Variants in KANK1 observed in about 807,000 individuals in gnomAD.
KANK1 encodes KN motif and ankyrin repeat domains 1, also known as KN motif and ankyrin repeat domain-containing protein 1.
KANK1 carries 109 observed loss-of-function variants against 106.2 expected under a neutral mutation model. The ratio of observed to expected loss-of-function variants is 1.03; its 90% CI spans 0.88 to 1.20. KANK1 has a LOEUF of 1.20. KANK1 is among the 50% of genes most tolerant of loss of function. The pLI, the probability that KANK1 is intolerant of heterozygous loss-of-function variation, is 0.00. For missense variants in KANK1, 2,399 were observed against 1,710.7 expected (o/e 1.40, Z -7.10); for synonymous variants, 873 against 652.2 (o/e 1.34, Z -5.16).
At chr9:666,172 C>T (rs1844520122) in intron 1 of KANK1, among the ~76,000 whole-genome samples, 1 of 151,626 alleles carries the variant, frequency 6.6e-6, no homozygotes, top group African/African-American at 2.4e-5. Context: ...CAGAGCAAAA[C>T]CCTGTCTCAA....
chr9:695,613 G>A (rs570518312), intron 2 of KANK1, among the ~76,000 whole-genome samples: 4 of 148,928 alleles, frequency 2.7e-5, no homozygotes, highest in South Asian at 2.2e-4. Flanking sequence ...CTTCGTGGGG[G>A]GGGGGGCAAG....
chr9:717,913 T>C (rs976281418), intron 3 of KANK1, among the ~76,000 whole-genome samples: 2 of 152,194 alleles, frequency 1.3e-5, no homozygotes, highest in African/African-American at 4.8e-5. Flanking sequence ...AGAACATTCA[T>C]CTCTCATACT....
intron 1 of KANK1, among the ~76,000 whole-genome samples, chr9:669,444 T>G (rs1845408181): frequency 1.3e-5 from 2 of 152,184 alleles, no homozygotes; most frequent in Non-Finnish European, 2.9e-5. Context: ...AAAAAGACTA[T>G]CTCTCCTTCA....
intron 2 of KANK1, among the ~76,000 whole-genome samples, chr9:699,812 T>C (rs1822207871): frequency 6.6e-6 from 1 of 152,154 alleles, no homozygotes; most frequent in South Asian, 2.1e-4. Flanking sequence ...GGGACCCCCA[T>C]CTCTATAAAA....
chr9:505,152 A>T (rs1185847484), intron 1 of KANK1, among the ~76,000 whole-genome samples: 2 of 152,010 alleles, frequency 1.3e-5, no homozygotes, highest in Non-Finnish European at 2.9e-5. Flanking sequence ...TGTCCCTCGG[A>T]TGCCTCTGGG....
At chr9:739,549 C>CTCTTCAG (rs1834790376) in intron 8 of KANK1, among the ~76,000 whole-genome samples, 1 of 152,202 alleles carries the variant, frequency 6.6e-6, no homozygotes, top group Admixed American at 6.5e-5. Context: ...CAAGCCCCTC[C>CTCTTCAG]TCTTCAGGCT....
chr9:536,233 C>T (rs909023098), intron 1 of KANK1, among the ~76,000 whole-genome samples: 3 of 152,028 alleles, frequency 2.0e-5, no homozygotes, highest in African/African-American at 4.8e-5. Flanking sequence ...CCCAGCTACT[C>T]GGGAAGCTGA....
chr9:509,562 C>G (rs1370493503), intron 1 of KANK1, among the ~76,000 whole-genome samples: 3 of 152,170 alleles, frequency 2.0e-5, no homozygotes, highest in East Asian at 1.9e-4. Flanking sequence ...ACTTTTTAAT[C>G]CCTGCATATG....
rs1231372945 is a variant in KANK1, at chr9:745,603, A to G, written c.*368A>G. The G allele has an allele frequency of 2.5e-5, 4 of 158,908 alleles. No individual in the cohort carries two copies. Among genetic ancestry groups the G allele is most frequent in the Admixed American group, 1.9e-4 (3 of 15,470 alleles). 9.8% of individuals were successfully genotyped at this position (158,908 alleles called of 1,614,324 possible). A position where few individuals can be genotyped will look rare whatever the true frequency, so the allele number is the denominator to read the frequency against. On this transcript the variant is annotated 3_prime_UTR_variant, in exon 12 of 12. Coordinates refer to ENST00000382297, the MANE Select transcript of KANK1 (RefSeq NM_015158.5). The stretch of plus-strand genomic sequence containing the variant: ...GATTTTTCCACAAATATTTATATGT[A>G]CTAAATGTGGAACCATTAGAAAGTT...
At chr9:601,173 C>G (rs1447670539) in intron 1 of KANK1, among the ~76,000 whole-genome samples, 2 of 151,792 alleles carry the variant, frequency 1.3e-5, no homozygotes, top group Non-Finnish European at 2.9e-5. Context: ...ACGGGGCTCC[C>G]ATACCCTTCA....
At chr9:630,649 C>G (rs1271545952) in intron 1 of KANK1, among the ~76,000 whole-genome samples, 1 of 152,170 alleles carries the variant, frequency 6.6e-6, no homozygotes, top group Non-Finnish European at 1.5e-5. Flanking sequence ...TGCCTGTAAT[C>G]CCAGCACTTT....
intron 1 of KANK1, chr9:470,550 G>A (rs2057999718): frequency 6.6e-6 from 1 of 152,364 alleles, no homozygotes; most frequent in African/African-American, 2.4e-5. Context: ...TGTTTGGAAC[G>A]AACAGGTGAA....
chr9:703,415 T>C (rs1823196846), intron 2 of KANK1, among the ~76,000 whole-genome samples: 1 of 152,170 alleles, frequency 6.6e-6, no homozygotes, highest in Non-Finnish European at 1.5e-5. Flanking sequence ...CTCCTTCCAC[T>C]GAATAGGACC....
intron 1 of KANK1, among the ~76,000 whole-genome samples, chr9:615,878 G>A (rs1831691601): frequency 6.6e-6 from 1 of 152,204 alleles, no homozygotes; most frequent in East Asian, 1.9e-4. Context: ...GTGGAAAAAT[G>A]CTGGCCTACT....
rs984217286 is a variant in KANK1, at chr9:578,338, T to C, written c.-84+73584T>C. On this transcript the variant is annotated intron_variant, in intron 1 of 11. Coordinates refer to ENST00000382297, the MANE Select transcript of KANK1 (RefSeq NM_015158.5). ...TTATTTTATTTTTCAACTGTGTGTG[T>C]GTGTGTGTGTGTGTTTGCCTTTGCT... Among the ~76,000 whole-genome samples the C allele has an allele frequency of 5.3e-5, 8 of 152,186 alleles. No homozygotes were observed. The South Asian group carries it at 1.7e-3, about 32-fold the overall frequency.
At chr9:744,743 ACCCCG>A in intron 11 of KANK1, 154 bp downstream of exon 11, 1 of 1,521,464 alleles carries the variant, frequency 6.6e-7, no homozygotes, top group Admixed American at 2.1e-5. Flanking sequence ...TTCCGCCTCC[ACCCCG>A]CAAAAAGCAG....
At chr9:707,212 G>C (rs2130730605) in intron 2 of KANK1, 2 of 986,198 alleles carry the variant, frequency 2.0e-6, no homozygotes, top group Non-Finnish European at 2.4e-6. Flanking sequence ...GTGCGGGGCA[G>C]CGCGGGCTGG....
At chr9:641,771 G>T (rs78594506) in intron 1 of KANK1, among the ~76,000 whole-genome samples, 5,600 of 152,074 alleles carry the variant, frequency 0.037, 354 homozygotes, top group African/African-American at 0.13. Context: ...TACCCTGATC[G>T]TAATGACAAG....
rs550723721 is a variant in KANK1, at chr9:507,343, A to G, written c.-84+2589A>G. Among the ~76,000 whole-genome samples the G allele has an allele frequency of 1.7e-4, 26 of 152,132 alleles. No homozygotes were observed. In the South Asian group the frequency reaches 2.5e-3, roughly 15 times the overall value. On this transcript the variant is annotated intron_variant, in intron 1 of 11. Coordinates refer to ENST00000382297, the MANE Select transcript of KANK1 (RefSeq NM_015158.5). ...GCACTCCAGCCTAGATGACCGAGCAATATCCTCTCTCAAAACAAGATGAGC... is the reference window on the plus strand; with the variant it reads ...GCACTCCAGCCTAGATGACCGAGCAGTATCCTCTCTCAAAACAAGATGAGC...
Sources: gnomAD v4.1 joint callset for allele counts (sites outside exome capture counted in the v4.1 genomes callset) on GRCh38, gnomAD v4.1.1 for gene constraint, MANE v1.5 for transcripts, NCBI Gene and HGNC (gene_info 2026-07-23, HGNC 2026-07-21) for gene names.